Variants in DCUN1D1 observed in about 807,000 individuals in gnomAD.
The protein encoded by DCUN1D1 is DCN1-like protein 1.
In DCUN1D1, 3 loss-of-function variants were observed where a neutral mutation model predicts 39.0. The ratio of observed to expected loss-of-function variants is 0.08; its 90% confidence interval spans 0.04 to 0.20. The LOEUF is 0.20. Ranked by LOEUF, DCUN1D1 falls within the 10% of genes least tolerant of loss-of-function variation. The pLI is 1.00. For missense variants in DCUN1D1, 158 were observed against 302.4 expected (o/e 0.52, Z 3.54); for synonymous variants, 82 against 96.3 (o/e 0.85, Z 0.87).
intron 3 of DCUN1D1, 106 bp downstream of exon 3, chr3:182,963,775 C>G: frequency 1.0e-6 from 1 of 993,344 alleles, no homozygotes; most frequent in Non-Finnish European, 1.5e-6. Flanking sequence ...TCTATTTATA[C>G]CAATGTTTGT....
At position 182,942,080 on chromosome 3, in the gene DCUN1D1, T is replaced by C. The variant is rs1278518429; in HGVS notation, c.*3014A>G. ...AAGATATTACGTAAAGGATTTCTCA[T>C]GTTATTTTGTTGAGTAAATTTACTT... On this transcript the variant is annotated 3_prime_UTR_variant, in exon 7 of 7. Transcript: ENST00000292782. The C allele has an allele frequency of 6.6e-6, 1 of 152,146 alleles. No homozygotes were observed. Among genetic ancestry groups the C allele is most frequent in the Non-Finnish European group, 1.5e-5 (1 of 67,978 alleles). 9.4% of individuals were successfully genotyped at this position (152,146 alleles called of 1,614,324 possible). A position where few individuals can be genotyped will look rare whatever the true frequency, so the allele number is the denominator to read the frequency against.
rs889961359 is a variant in DCUN1D1 at position 182,967,048 on chromosome 3, A to G, written c.4-1295T>C. Among the ~76,000 whole-genome samples the G allele has an allele frequency of 9.3e-4, 142 of 152,134 alleles. 2 individuals carry two copies. The highest frequency in any genetic ancestry group is 3.2e-3 in the African/African-American group (132 of 41,496). On this transcript the variant is annotated intron_variant, in intron 1 of 6. Transcript: ENST00000292782. ...CTTGAACCCGGGAGGCAGAGGTTGC[A>G]GTGAGCCAAGATCACATCATCACAC...
chr3:182,976,375 C>A (rs533047522), intron 1 of DCUN1D1, among the ~76,000 whole-genome samples: 140 of 151,954 alleles, frequency 9.2e-4, no homozygotes, highest in Middle Eastern at 3.4e-3. Context: ...TGCCTACCCC[C>A]ACTCCTTGCC....
At chr3:182,978,057 C>G (rs1233543584) in intron 1 of DCUN1D1, among the ~76,000 whole-genome samples, 1 of 146,646 alleles carries the variant, frequency 6.8e-6, no homozygotes, top group African/African-American at 2.5e-5. Flanking sequence ...AAAAAAACAA[C>G]AACAACAAAA....
chr3:182,959,518 A>C (rs1316737315), intron 4 of DCUN1D1, among the ~76,000 whole-genome samples: 2 of 150,352 alleles, frequency 1.3e-5, no homozygotes, highest in African/African-American at 2.5e-5. Flanking sequence ...AAAAAAAAAA[A>C]AAAAAAAACC....
intron 1 of DCUN1D1, among the ~76,000 whole-genome samples, chr3:182,974,737 G>A (rs1728125277): frequency 6.7e-6 from 1 of 148,872 alleles, no homozygotes; most frequent in Non-Finnish European, 1.5e-5. Flanking sequence ...TCTCTGTGTT[G>A]AGTGATTCAA....
rs1484029696 is a variant in DCUN1D1, at chr3:182,961,289, G to A, written c.457C>T (p.Arg153Ter). 1.3e-6 allele frequency: 2 copies of A among 1,598,680 alleles called. No homozygotes were observed. Among genetic ancestry groups the A allele is most frequent in the Non-Finnish European group, 1.7e-6 (2 of 1,169,996 alleles). The change falls in exon 4 of 7, where the codon CGA (arginine) becomes TGA (stop). Residue 153 changes from arginine (R) to a stop codon, truncating the protein, a stop_gained. Coordinates refer to ENST00000292782, the MANE Select transcript of DCUN1D1 (RefSeq NM_020640.4). LOFTEE classifies it high-confidence loss of function. The stretch of plus-strand genomic sequence containing the variant: ...GTAAACTGGTAAAAATCCTTAAATC[G>A]TCCTGGTTCTTTCAATTCTTGTTCC... ...KMEQELKEPG[R>*]FKDFYQFTFN...
chr3:182,955,945 T>C (rs1226384673), intron 4 of DCUN1D1: 2 of 160,340 alleles, frequency 1.2e-5, no homozygotes, highest in African/African-American at 4.9e-5. Flanking sequence ...TTTTTTTTTT[T>C]TGAGGCAGAG....
intron 6 of DCUN1D1, among the ~76,000 whole-genome samples, chr3:182,946,646 A>G (rs1726423085): frequency 6.6e-6 from 1 of 152,118 alleles, no homozygotes; most frequent in African/African-American, 2.4e-5. Context: ...AGAGATACAA[A>G]TAAGTACAAA....
chr3:182,967,522 G>C (rs955892435), intron 1 of DCUN1D1, among the ~76,000 whole-genome samples: 3 of 152,060 alleles, frequency 2.0e-5, no homozygotes, highest in Non-Finnish European at 4.4e-5. Flanking sequence ...CTATGCTCTA[G>C]AATCTGATGT....
chr3:182,946,441 CA>C (rs948539805), intron 6 of DCUN1D1, among the ~76,000 whole-genome samples: 7 of 150,636 alleles, frequency 4.6e-5, no homozygotes, highest in African/African-American at 1.7e-4. Context: ...CCTGAAATCC[CA>C]GTTACTTGAG....
chr3:182,977,795 C>A (rs1728314439), intron 1 of DCUN1D1, among the ~76,000 whole-genome samples: 1 of 151,810 alleles, frequency 6.6e-6, no homozygotes, highest in South Asian at 2.1e-4. Flanking sequence ...ATCCTAGCAC[C>A]TTGGGCGGCC....
At chr3:182,980,898 C>G (rs9874179), upstream of DCUN1D1, 150,897 of 152,216 alleles carry the variant, frequency 0.99, 74,799 homozygotes, top group East Asian at 1. Context: ...TGGAAGCGGG[C>G]ACGAGCGGCG....
upstream of DCUN1D1, among the ~76,000 whole-genome samples, chr3:182,984,985 A>G (rs138824444): frequency 1.7e-3 from 254 of 152,348 alleles, 2 homozygotes; most frequent in Non-Finnish European, 3.1e-3. Flanking sequence ...ATTTTGCCCA[A>G]CATTTACACT....
intron 1 of DCUN1D1, among the ~76,000 whole-genome samples, chr3:182,970,727 A>C (rs994239566): frequency 2.6e-5 from 4 of 152,258 alleles, no homozygotes; most frequent in African/African-American, 9.6e-5. Context: ...TAATTATCAT[A>C]TTGACAGTTT....
At chr3:182,975,742 T>G (rs115601759) in intron 1 of DCUN1D1, among the ~76,000 whole-genome samples, 2,587 of 137,272 alleles carry the variant, frequency 0.019, 76 homozygotes, top group African/African-American at 0.066. Context: ...TAGGTGAGGG[T>G]CAGGGGGAGA....
intron 1 of DCUN1D1, among the ~76,000 whole-genome samples, chr3:182,972,337 ACAATTT>A (rs1560179847): frequency 2.0e-5 from 3 of 152,226 alleles, no homozygotes. Flanking sequence ...GGAAATATGT[ACAATTT>A]CAAATACTAA....
rs1727542010 is a variant in DCUN1D1 at position 182,964,115 on chromosome 3, G to A, written c.221-66C>T. 7.2e-6 allele frequency: 10 copies of A among 1,389,772 alleles called. No individual in the cohort carries two copies. In the African/African-American group the frequency reaches 9.9e-5, roughly 14 times the overall value. The allele number at this position is 1,389,772 out of a possible 1,614,324, so 86.1% of individuals were successfully genotyped here. ...ATGCTACATTATGAAAACTGAAAAA[G>A]GTAATGCTTTATATGCCATTTTTTA... On this transcript the variant is annotated intron_variant, in intron 2 of 6. Coordinates refer to ENST00000292782, the MANE Select transcript of DCUN1D1 (RefSeq NM_020640.4).
chr3:182,951,948 G>A (rs9879983), intron 4 of DCUN1D1, among the ~76,000 whole-genome samples: 3,704 of 151,900 alleles, frequency 0.024, 158 homozygotes, highest in African/African-American at 0.082. Context: ...CGCCCACCTC[G>A]GCTTCTCAAA....
Sources: gnomAD v4.1 joint callset for allele counts (sites outside exome capture counted in the v4.1 genomes callset) on GRCh38, gnomAD v4.1.1 for gene constraint, MANE v1.5 for transcripts, NCBI Gene and HGNC (gene_info 2026-07-23, HGNC 2026-07-21) for gene names.